USP8: variants seen among roughly 807,000 people sequenced by gnomAD.
USP8 encodes ubiquitin specific peptidase 8, also known as ubiquitin carboxyl-terminal hydrolase 8.
Under a neutral mutation model 130.0 loss-of-function variants are expected in USP8, and 27 were observed. The ratio of observed to expected loss-of-function variants is 0.21; its 90% confidence interval spans 0.15 to 0.29. The LOEUF is 0.29. USP8 is among the 10% of genes least tolerant of loss of function. The pLI is 1.00. For synonymous variants in USP8, 392 were observed against 444.1 expected (o/e 0.88, Z 1.48); for missense variants, 1,029 against 1,312.2 (o/e 0.78, Z 3.33).
At position 50,502,891 on chromosome 15, in the gene USP8, A is replaced by G. The variant is rs2052611295; in HGVS notation, c.*3803A>G. 6.6e-6 allele frequency: 1 copy of G among 152,190 alleles called. No homozygotes were observed. Among genetic ancestry groups the G allele is most frequent in the Admixed American group, 6.5e-5 (1 of 15,286 alleles). The allele number at this position is 152,190 out of a possible 1,614,324, so 9.4% of individuals were successfully genotyped here. ...AATTATTTGACCTTTCTGAGCTTTA[A>G]TTTCTCATCTATTAACATGGCTTGT... On this transcript the variant is annotated 3_prime_UTR_variant, in exon 20 of 20. Coordinates refer to ENST00000307179, the MANE Select transcript of USP8 (RefSeq NM_005154.5).
At chr15:50,437,317 G>A (rs1430499023) in intron 1 of USP8, among the ~76,000 whole-genome samples, 1 of 152,036 alleles carries the variant, frequency 6.6e-6, no homozygotes, top group African/African-American at 2.4e-5. Flanking sequence ...CCTCTCCCAA[G>A]AAATATAATG....
intron 2 of USP8, among the ~76,000 whole-genome samples, chr15:50,439,659 G>A (rs183081791): frequency 2.6e-5 from 4 of 150,992 alleles, no homozygotes; most frequent in South Asian, 4.2e-4. Context: ...GCGTGGTGGC[G>A]CACATCTGTA....
intron 12 of USP8, among the ~76,000 whole-genome samples, chr15:50,484,695 G>T (rs747080451): frequency 4.6e-5 from 7 of 152,204 alleles, no homozygotes; most frequent in Non-Finnish European, 1.0e-4. Flanking sequence ...GTACACCCAT[G>T]TTCTTAGAGT....
chr15:50,493,974 T>C (rs994010060), intron 15 of USP8, 96 bp from the exon 16 acceptor site: 3 of 1,317,152 alleles, frequency 2.3e-6, no homozygotes, highest in Non-Finnish European at 3.3e-6. Flanking sequence ...TGCTACAGTA[T>C]GTGAATAATT....
intron 5 of USP8, among the ~76,000 whole-genome samples, chr15:50,461,576 C>T (rs757057710): frequency 2.6e-5 from 4 of 152,034 alleles, no homozygotes; most frequent in African/African-American, 4.8e-5. Context: ...CTACATAGGC[C>T]GGGCACAGCG....
At chr15:50,496,749 A>T (rs184192165) in intron 17 of USP8, 1 of 176,064 alleles carries the variant, frequency 5.7e-6, no homozygotes, top group African/African-American at 2.4e-5. Flanking sequence ...TTTTCCATGT[A>T]TCAACAATGT....
chr15:50,450,538 C>A (rs2050598380), intron 4 of USP8, among the ~76,000 whole-genome samples: 1 of 130,772 alleles, frequency 7.6e-6, no homozygotes, highest in South Asian at 2.6e-4. Flanking sequence ...ATGGCCTGAT[C>A]TCAGCTCACT....
chr15:50,462,219 A>AT, intron 5 of USP8, 61 bp from the exon 6 acceptor site: 2 of 1,451,806 alleles, frequency 1.4e-6, no homozygotes, highest in South Asian at 2.5e-5. Flanking sequence ...TAAATGAAGT[A>AT]TTAAAGTTGA....
At chr15:50,449,220 C>G (rs1260478062) in intron 3 of USP8, among the ~76,000 whole-genome samples, 180 bp from the exon 4 acceptor site, 1 of 152,268 alleles carries the variant, frequency 6.6e-6, no homozygotes, top group East Asian at 1.9e-4. Flanking sequence ...TGAAGACATA[C>G]TTTTGAGACA....
intron 8 of USP8, among the ~76,000 whole-genome samples, chr15:50,472,489 C>T (rs1002501287): frequency 1.5e-4 from 23 of 150,094 alleles, no homozygotes; most frequent in East Asian, 4.0e-4. Context: ...CCCAGCTACT[C>T]GGGAGGCTGA....
At chr15:50,455,744 C>T (rs1287617232) in intron 4 of USP8, among the ~76,000 whole-genome samples, 1 of 152,090 alleles carries the variant, frequency 6.6e-6, no homozygotes, top group East Asian at 1.9e-4. Context: ...TTCTGTCTTG[C>T]CTATGGTAGG....
At position 50,484,361 on chromosome 15, in the gene USP8, A is replaced by C. The variant is rs763111780; in HGVS notation, c.1890A>C (p.Lys630Asn). 9 of 1,608,776 alleles carry C rather than the reference A, an allele frequency of 5.6e-6. No homozygotes were observed. The highest frequency in any genetic ancestry group is 7.6e-6 in the Non-Finnish European group (9 of 1,178,126). ...REDTDDTERNKAQREPLTRAR... is the reference protein window; with the variant it reads ...REDTDDTERNNAQREPLTRAR... ...ATACAGACGATACCGAAAGAAATAAAGTAAGTAGTTTATTGCAGGAAAAAA... is the reference window on the plus strand; with the variant it reads ...ATACAGACGATACCGAAAGAAATAACGTAAGTAGTTTATTGCAGGAAAAAA... Residue 630 changes from lysine to asparagine, a missense_variant and splice_region_variant, in exon 12 of 20, where the codon AAA (lysine) becomes AAC (asparagine). Physicochemically the swap from Lys to Asn is moderately conservative, Grantham distance 94. This residue lies in a region of USP8 where 486 missense variants were observed against 522.0 expected (regional missense o/e 0.93). Coordinates refer to ENST00000307179, the MANE Select transcript of USP8 (RefSeq NM_005154.5).
chr15:50,448,908 A>G (rs1185463684), intron 3 of USP8, among the ~76,000 whole-genome samples: 1 of 152,208 alleles, frequency 6.6e-6, no homozygotes, highest in Non-Finnish European at 1.5e-5. Flanking sequence ...TTATGTATCA[A>G]AAGTGTTTTG....
chr15:50,463,094 C>T (rs181953522), intron 6 of USP8, among the ~76,000 whole-genome samples: 1 of 152,120 alleles, frequency 6.6e-6, no homozygotes, highest in East Asian at 1.9e-4. Context: ...ACAAAAAATA[C>T]AAAAATTAGC....
At chr15:50,464,588 G>A (rs1201731860) in intron 6 of USP8, among the ~76,000 whole-genome samples, 1 of 152,242 alleles carries the variant, frequency 6.6e-6, no homozygotes, top group East Asian at 1.9e-4. Context: ...GGTATGTGGT[G>A]GCTCACGCCT....
At chr15:50,490,030 T>C (rs1595981135) in intron 13 of USP8, 149 bp downstream of exon 13, 2 of 859,310 alleles carry the variant, frequency 2.3e-6, no homozygotes, top group East Asian at 5.4e-5. Flanking sequence ...AGGGTGAGAT[T>C]TCTCAATACC....
intron 10 of USP8, among the ~76,000 whole-genome samples, chr15:50,481,271 C>T (rs1054204366): frequency 6.6e-6 from 1 of 152,102 alleles, no homozygotes; most frequent in African/African-American, 2.4e-5. Flanking sequence ...AGTGTTGAAT[C>T]AAGAGGATGT....
At chr15:50,424,563 G>T in intron 1 of USP8, 49 bp downstream of exon 1, 2 of 398,494 alleles carry the variant, frequency 5.0e-6, no homozygotes, top group East Asian at 7.1e-5. Flanking sequence ...GAAGTCGTCC[G>T]CTGTGAACGA....
At chr15:50,480,674 A>G (rs1199297945) in intron 10 of USP8, among the ~76,000 whole-genome samples, 1 of 152,142 alleles carries the variant, frequency 6.6e-6, no homozygotes, top group Non-Finnish European at 1.5e-5. Flanking sequence ...ACACAGCCAT[A>G]TGACTGGAGA....
Sources: gnomAD v4.1 joint callset for allele counts (sites outside exome capture counted in the v4.1 genomes callset) on GRCh38, gnomAD v4.1.1 for gene constraint, gnomAD v4.1.1 regional missense constraint, MANE v1.5 for transcripts, NCBI Gene and HGNC (gene_info 2026-07-23, HGNC 2026-07-21) for gene names.